PROB1: variants seen among roughly 807,000 people sequenced by gnomAD.
PROB1 encodes proline-rich basic protein 1.
For synonymous variants in PROB1, 660 were observed against 699.3 expected, an observed-to-expected ratio of 0.94 and a Z score of 0.89; for missense variants, 1,453 against 1,485.7, an observed-to-expected ratio of 0.98 and a Z score of 0.36.
rs1411692919 is a variant in PROB1 at position 139,394,172 on chromosome 5, C to T, written c.910G>A (p.Asp304Asn). The change falls in exon 1 of 1, where the codon GAT (aspartate) becomes AAT (asparagine). Residue 304 changes from aspartate (D) to asparagine (N), a missense_variant. Asp to Asn is a conservative substitution (Grantham distance 23). Coordinates refer to ENST00000434752, the MANE Select transcript of PROB1 (RefSeq NM_001161546.2). ...GGGGCCTTGGCGGGGGCCGAATTAT[C>T]TCGTACGCGAAGTGGCCGAGACTTA... ...KAKSRPLRVR[D>N]NSAPAKAPRP... The T allele has an allele frequency of 6.5e-7, 1 of 1,546,262 alleles. No individual in the cohort carries two copies. The highest frequency in any genetic ancestry group is 2.5e-5 in the East Asian group (1 of 40,784).
At position 139,392,785 on chromosome 5, in the gene PROB1, T is replaced by A; in HGVS notation, c.2297A>T (p.Gln766Leu). 6.9e-7 allele frequency: 1 copy of A among 1,452,050 alleles called. No individual in the cohort carries two copies. The highest frequency in any genetic ancestry group is 2.7e-5 in the Admixed American group (1 of 36,374). The allele number at this position is 1,452,050 out of a possible 1,614,324, so 89.9% of individuals were successfully genotyped here. A position where few individuals can be genotyped will look rare whatever the true frequency, so the allele number is the denominator to read the frequency against. Residue 766 changes from glutamine (Q) to leucine (L), a missense_variant, in exon 1 of 1, where the codon CAG becomes CTG. Gln to Leu is a moderately radical substitution (Grantham distance 113). Transcript: ENST00000434752. The surrounding 1 kb of genome is among the most constrained non-coding windows in gnomAD (Gnocchi z 5.8). ...PGGENRDVEA[Q>L]RLVPDGDGRT... ...ACCGTCGCCGTCGGGGACCAGGCGC[T>A]GGGCCTCTACATCCCTGTTCTCTCC... is the stretch of plus-strand genomic sequence containing the variant.
In PROB1 at chr5:139,394,003, CG is replaced by C; in HGVS notation, c.1078del (p.Arg360GlufsTer29). On this transcript the variant is annotated frameshift_variant, in exon 1 of 1. Transcript: ENST00000434752. LOFTEE classifies it low-confidence loss of function (END_TRUNC). ...CTGAACAGTTCGATCCGGCGCCTCT[CG>C]CGGGAACCGAGTCTTCCGCGCCTCC... The part of the protein sequence containing the change: ...IQEARKTRFP[R>X]EAPDRTVQRA... 5 of 1,550,656 alleles carry C rather than the reference CG, an allele frequency of 3.2e-6. No homozygotes were observed. The highest frequency in any genetic ancestry group is 4.4e-6 in the Non-Finnish European group (5 of 1,147,002).
At position 139,394,402 on chromosome 5, in the gene PROB1, C is replaced by T; in HGVS notation, c.680G>A (p.Arg227His). Residue 227 changes from arginine (R) to histidine (H), a missense_variant, in exon 1 of 1, where the codon CGC becomes CAC. Arg to His is a conservative substitution (Grantham distance 29). Coordinates refer to ENST00000434752, the MANE Select transcript of PROB1 (RefSeq NM_001161546.2). ...QSPPRAAGAP[R>H]PRLLLRTGSL... is the part of the protein sequence containing the mutation. ...ACCGGTGCGCAGGAGCAGCCGGGGG[C>T]GCGGCGCGCCGGCCGCCCTTGGGGG... 1 of 1,388,980 alleles carries T rather than the reference C, an allele frequency of 7.2e-7. No individual in the cohort carries two copies. The allele number at this position is 1,388,980 out of a possible 1,614,324, so 86.0% of individuals were successfully genotyped here. A position where few individuals can be genotyped will look rare whatever the true frequency, so the allele number is the denominator to read the frequency against.
Position 139,391,774 on chromosome 5 carries a change from C to T in PROB1, c.*260G>A, listed in dbSNP as rs1758604091. On this transcript the variant is annotated 3_prime_UTR_variant, in exon 1 of 1. Coordinates refer to ENST00000434752, the MANE Select transcript of PROB1 (RefSeq NM_001161546.2). This position sits in a 1 kb window ranked among gnomAD's most constrained non-coding sequence, Gnocchi z 4.8. ...CACATATACACACACCCACACACCA[C>T]ACCACACCACGCCCTGGGAATGCCT... is the stretch of plus-strand genomic sequence containing the variant. 1 of 389,986 alleles carries T rather than the reference C, an allele frequency of 2.6e-6. No homozygotes were observed. Among genetic ancestry groups the T allele is most frequent in the Non-Finnish European group, 4.5e-6 (1 of 220,214 alleles). The allele number at this position is 389,986 out of a possible 1,614,324, so 24.2% of individuals were successfully genotyped here.
At position 139,392,390 on chromosome 5, in the gene PROB1, G is replaced by C. The variant is rs750802687; in HGVS notation, c.2692C>G (p.Arg898Gly). Residue 898 changes from arginine to glycine, a missense_variant, in exon 1 of 1, where the codon CGG (arginine) becomes GGG (glycine). Coordinates refer to ENST00000434752, the MANE Select transcript of PROB1 (RefSeq NM_001161546.2). This position sits in a 1 kb window ranked among gnomAD's most constrained non-coding sequence, Gnocchi z 5.8. ...SGRYYFVEAP[R>G]QPRLRVLFDP... is the part of the protein sequence containing the mutation. Reference sequence around the variant, plus strand: ...AAGAGCACCCGCAGCCGAGGCTGCCGCGGCGCCTCCACAAAGTAGTAGCGG... The same window carrying C: ...AAGAGCACCCGCAGCCGAGGCTGCCCCGGCGCCTCCACAAAGTAGTAGCGG... 4.6e-6 allele frequency: 7 copies of C among 1,520,200 alleles called. No individual in the cohort carries two copies. The South Asian group carries it at 8.6e-5, about 19-fold the overall frequency. 94.2% of individuals were successfully genotyped at this position (1,520,200 alleles called of 1,614,324 possible). A position where few individuals can be genotyped will look rare whatever the true frequency, so the allele number is the denominator to read the frequency against.
chr5:139,392,690 A>T lies in PROB1; in HGVS notation c.2392T>A (p.Ser798Thr). 1 of 1,352,968 alleles carries T rather than the reference A, an allele frequency of 7.4e-7. No homozygotes were observed. The highest frequency in any genetic ancestry group is 9.5e-7 in the Non-Finnish European group (1 of 1,052,082). 83.8% of individuals were successfully genotyped at this position (1,352,968 alleles called of 1,614,324 possible). The change falls in exon 1 of 1, where the codon TCG (serine) becomes ACG (threonine). Residue 798 changes from serine to threonine, a missense_variant. Transcript: ENST00000434752. The surrounding 1 kb of genome is among the most constrained non-coding windows in gnomAD (Gnocchi z 5.8). The part of the protein sequence containing the change: ...RSPVGPAGVR[S>T]PRPGSPQMQA... ...ATCTGAGGGGAGCCGGGGCGGGGCG[A>T]TCGGACCCCTGCTGGCCCTACGGGG...
Position 139,394,149 on chromosome 5 carries a change from G to T in PROB1, c.933C>A (p.Ala311=), listed in dbSNP as rs1758649178. ...RVRDNSAPAK[A]PRPWPSLRER... is the part of the protein sequence containing the mutation. ...CGCGGAGGCTGGGCCACGGCCTCGG[G>T]GCCTTGGCGGGGGCCGAATTATCTC... Residue 311 remains alanine, a synonymous_variant, in exon 1 of 1, where the codon GCC becomes GCA. Transcript: ENST00000434752. 2 of 1,546,288 alleles carry T rather than the reference G, an allele frequency of 1.3e-6. No individual in the cohort carries two copies. The highest frequency in any genetic ancestry group is 2.0e-5 in the Admixed American group (1 of 50,606).
Position 139,392,223 on chromosome 5 carries a change from TG to T in PROB1, c.2858del (p.Pro953HisfsTer31). On this transcript the variant is annotated frameshift_variant, in exon 1 of 1. Transcript: ENST00000434752. LOFTEE classifies it low-confidence loss of function (END_TRUNC). The surrounding 1 kb of genome is among the most constrained non-coding windows in gnomAD (Gnocchi z 5.8). ...CGAGGGCCTGCGGGCCCGGGGACGGTGGCAGAGAGAGGCTGGGTATAGGCCC... is the reference window on the plus strand; with the variant it reads ...CGAGGGCCTGCGGGCCCGGGGACGGTGCAGAGAGAGGCTGGGTATAGGCCC... ...AYGPIPSLSL[P>X]PSPGPQALGS... The T allele has an allele frequency of 6.9e-7, 1 of 1,443,152 alleles. No homozygotes were observed. The allele number at this position is 1,443,152 out of a possible 1,614,324, so 89.4% of individuals were successfully genotyped here.
chr5:139,392,378 G>A lies in PROB1; in HGVS notation c.2704C>T (p.Leu902=). The A allele has an allele frequency of 2.0e-6, 3 of 1,522,182 alleles. No individual in the cohort carries two copies. Among genetic ancestry groups the A allele is most frequent in the Non-Finnish European group, 2.6e-6 (3 of 1,136,636 alleles). The allele number at this position is 1,522,182 out of a possible 1,614,324, so 94.3% of individuals were successfully genotyped here. A position where few individuals can be genotyped will look rare whatever the true frequency, so the allele number is the denominator to read the frequency against. ...CTCTCAGGGTCGAAGAGCACCCGCA[G>A]CCGAGGCTGCCGCGGCGCCTCCACA... The part of the protein sequence containing the change: ...YFVEAPRQPR[L]RVLFDPESGQ... The change falls in exon 1 of 1, where the codon CTG becomes TTG. Residue 902 remains leucine (L), a synonymous_variant. Coordinates refer to ENST00000434752, the MANE Select transcript of PROB1 (RefSeq NM_001161546.2). This position sits in a 1 kb window ranked among gnomAD's most constrained non-coding sequence, Gnocchi z 5.8.
At position 139,392,206 on chromosome 5, in the gene PROB1, T is replaced by G. The variant is rs769413426; in HGVS notation, c.2876A>C (p.Gln959Pro). The G allele has an allele frequency of 3.5e-6, 5 of 1,425,120 alleles. No individual in the cohort carries two copies. The South Asian group carries it at 7.4e-5, about 21-fold the overall frequency. The allele number at this position is 1,425,120 out of a possible 1,614,324, so 88.3% of individuals were successfully genotyped here. Residue 959 changes from glutamine (Q) to proline (P), a missense_variant, in exon 1 of 1, where the codon CAG (glutamine) becomes CCG (proline). Gln to Pro is a moderately conservative substitution (Grantham distance 76, BLOSUM62 -1). Coordinates refer to ENST00000434752, the MANE Select transcript of PROB1 (RefSeq NM_001161546.2). This position sits in a 1 kb window ranked among gnomAD's most constrained non-coding sequence, Gnocchi z 5.8. ...SLSLPPSPGP[Q>P]ALGSPQLPWV... ...GGGTAGCTGGGGGCTGCCGAGGGCCTGCGGGCCCGGGGACGGTGGCAGAGA... is the reference window on the plus strand; with the variant it reads ...GGGTAGCTGGGGGCTGCCGAGGGCCGGCGGGCCCGGGGACGGTGGCAGAGA...
Position 139,392,029 on chromosome 5 carries a change from G to C in PROB1, c.*5C>G, listed in dbSNP as rs1758606782. On this transcript the variant is annotated 3_prime_UTR_variant, in exon 1 of 1. Coordinates refer to ENST00000434752, the MANE Select transcript of PROB1 (RefSeq NM_001161546.2). The surrounding 1 kb of genome is among the most constrained non-coding windows in gnomAD (Gnocchi z 5.8). Reference sequence around the variant, plus strand: ...CTCCAACTCCATGGGGATCGGCCCGGGGCCTCACAGCGGGAACAATGAACC... The same window carrying C: ...CTCCAACTCCATGGGGATCGGCCCGCGGCCTCACAGCGGGAACAATGAACC... The C allele has an allele frequency of 1.4e-6, 2 of 1,394,002 alleles. No homozygotes were observed. The highest frequency in any genetic ancestry group is 3.4e-5 in the Admixed American group (1 of 29,208). 86.4% of individuals were successfully genotyped at this position (1,394,002 alleles called of 1,614,324 possible).
Position 139,392,351 on chromosome 5 carries a change from C to A in PROB1, c.2731G>T (p.Gly911Trp). Residue 911 changes from glycine to tryptophan, a missense_variant, in exon 1 of 1, where the codon GGG (glycine) becomes TGG (tryptophan). Transcript: ENST00000434752. This position sits in a 1 kb window ranked among gnomAD's most constrained non-coding sequence, Gnocchi z 5.8. ...GGCAGCAACACCTCCACGTACTGCC[C>A]ACTCTCAGGGTCGAAGAGCACCCGC... ...RLRVLFDPESGQYVEVLLPPS... is the reference protein window; with the variant it reads ...RLRVLFDPESWQYVEVLLPPS... 6.5e-7 allele frequency: 1 copy of A among 1,532,848 alleles called. No homozygotes were observed. The highest frequency in any genetic ancestry group is 8.8e-7 in the Non-Finnish European group (1 of 1,140,424). 95.0% of individuals were successfully genotyped at this position (1,532,848 alleles called of 1,614,324 possible). A position where few individuals can be genotyped will look rare whatever the true frequency, so the allele number is the denominator to read the frequency against.
Position 139,392,717 on chromosome 5 carries a change from A to AGC in PROB1, c.2363_2364dup (p.Ser789AlafsTer4). 2 of 1,378,150 alleles carry AGC rather than the reference A, an allele frequency of 1.5e-6. No homozygotes were observed. Among genetic ancestry groups the AGC allele is most frequent in the Non-Finnish European group, 1.9e-6 (2 of 1,065,020 alleles). The allele number at this position is 1,378,150 out of a possible 1,614,324, so 85.4% of individuals were successfully genotyped here. On this transcript the variant is annotated frameshift_variant, in exon 1 of 1. Coordinates refer to ENST00000434752, the MANE Select transcript of PROB1 (RefSeq NM_001161546.2). LOFTEE classifies it low-confidence loss of function (END_TRUNC). This position sits in a 1 kb window ranked among gnomAD's most constrained non-coding sequence, Gnocchi z 5.8. ...CGGACCCCTGCTGGCCCTACGGGGGAGCGCTGGGATGAGCTGCGGGCGCCG... is the reference window on the plus strand; with the variant it reads ...CGGACCCCTGCTGGCCCTACGGGGGAGCGCGCTGGGATGAGCTGCGGGCGCCG...
At position 139,392,018 on chromosome 5, in the gene PROB1, G is replaced by C. The variant is rs1469194603; in HGVS notation, c.*16C>G. ...GCATCCAAGGGCTCCAACTCCATGG[G>C]GATCGGCCCGGGGCCTCACAGCGGG... On this transcript the variant is annotated 3_prime_UTR_variant, in exon 1 of 1. Coordinates refer to ENST00000434752, the MANE Select transcript of PROB1 (RefSeq NM_001161546.2). The surrounding 1 kb of genome is among the most constrained non-coding windows in gnomAD (Gnocchi z 5.8). 1.5e-6 allele frequency: 2 copies of C among 1,368,414 alleles called. No individual in the cohort carries two copies. The highest frequency in any genetic ancestry group is 6.1e-5 in the East Asian group (2 of 33,040). The allele number at this position is 1,368,414 out of a possible 1,614,324, so 84.8% of individuals were successfully genotyped here.
chr5:139,392,497 G>T lies in PROB1; in HGVS notation c.2585C>A (p.Ser862Tyr). 7.3e-7 allele frequency: 1 copy of T among 1,362,698 alleles called. No homozygotes were observed. The highest frequency in any genetic ancestry group is 9.4e-7 in the Non-Finnish European group (1 of 1,062,648). 84.4% of individuals were successfully genotyped at this position (1,362,698 alleles called of 1,614,324 possible). A position where few individuals can be genotyped will look rare whatever the true frequency, so the allele number is the denominator to read the frequency against. Residue 862 changes from serine (S) to tyrosine (Y), a missense_variant, in exon 1 of 1, where the codon TCC becomes TAC. Coordinates refer to ENST00000434752, the MANE Select transcript of PROB1 (RefSeq NM_001161546.2). This position sits in a 1 kb window ranked among gnomAD's most constrained non-coding sequence, Gnocchi z 5.8. ...RAASAPPTDR[S>Y]PQSPSQGARR... Reference sequence around the variant, plus strand: ...CGCTCCCTGGGAGGGGCTTTGCGGGGACCGGTCCGTGGGAGGCGCCGAGGC... The same window carrying T: ...CGCTCCCTGGGAGGGGCTTTGCGGGTACCGGTCCGTGGGAGGCGCCGAGGC...
At position 139,392,217 on chromosome 5, in the gene PROB1, G is replaced by C. The variant is rs1758609474; in HGVS notation, c.2865C>G (p.Ser955=). ...GPIPSLSLPP[S]PGPQALGSPQ... is the part of the protein sequence containing the mutation. The stretch of plus-strand genomic sequence containing the variant: ...GGCTGCCGAGGGCCTGCGGGCCCGG[G>C]GACGGTGGCAGAGAGAGGCTGGGTA... The change falls in exon 1 of 1, where the codon TCC becomes TCG. Residue 955 remains serine (S), a synonymous_variant. Transcript: ENST00000434752. The surrounding 1 kb of genome is among the most constrained non-coding windows in gnomAD (Gnocchi z 5.8). The C allele has an allele frequency of 6.9e-7, 1 of 1,440,750 alleles. No individual in the cohort carries two copies. Among genetic ancestry groups the C allele is most frequent in the African/African-American group, 1.5e-5 (1 of 68,118 alleles). The allele number at this position is 1,440,750 out of a possible 1,614,324, so 89.2% of individuals were successfully genotyped here.
In PROB1 at chr5:139,392,514, C is replaced by A. The variant is rs913507722; in HGVS notation, c.2568G>T (p.Ala856=). Residue 856 remains alanine (A), a synonymous_variant, in exon 1 of 1, where the codon GCG becomes GCT. Transcript: ENST00000434752. This position sits in a 1 kb window ranked among gnomAD's most constrained non-coding sequence, Gnocchi z 5.8. ...TTTGCGGGGACCGGTCCGTGGGAGG[C>A]GCCGAGGCAGCGCGGGGCTGGGCTG... ...TAPAQPRAAS[A]PPTDRSPQSP... 10 of 1,343,090 alleles carry A rather than the reference C, an allele frequency of 7.4e-6. No individual in the cohort carries two copies. In the African/African-American group the frequency reaches 9.3e-5, roughly 12 times the overall value. 83.2% of individuals were successfully genotyped at this position (1,343,090 alleles called of 1,614,324 possible).
chr5:139,394,378 C>T lies in PROB1; in HGVS notation c.704G>A (p.Gly235Asp), dbSNP rs1468024135. 1 of 1,407,916 alleles carries T rather than the reference C, an allele frequency of 7.1e-7. No homozygotes were observed. The highest frequency in any genetic ancestry group is 2.8e-5 in the East Asian group (1 of 35,202). 87.2% of individuals were successfully genotyped at this position (1,407,916 alleles called of 1,614,324 possible). ...APRPRLLLRT[G>D]SLDESLGPLQ... ...GGGGCCCAGCGACTCGTCCAGGGAA[C>T]CGGTGCGCAGGAGCAGCCGGGGGCG... Residue 235 changes from glycine (G) to aspartate (D), a missense_variant, in exon 1 of 1, where the codon GGT (glycine) becomes GAT (aspartate). Coordinates refer to ENST00000434752, the MANE Select transcript of PROB1 (RefSeq NM_001161546.2).
chr5:139,392,173 G>A lies in PROB1; in HGVS notation c.2909C>T (p.Ser970Phe). The change falls in exon 1 of 1, where the codon TCT (serine) becomes TTT (phenylalanine). Residue 970 changes from serine to phenylalanine, a missense_variant. Physicochemically the swap from Ser to Phe is radical, Grantham distance 155. Transcript: ENST00000434752. This position sits in a 1 kb window ranked among gnomAD's most constrained non-coding sequence, Gnocchi z 5.8. Reference protein sequence around the residue: ...ALGSPQLPWVSEAGPLDGTYY... With the variant: ...ALGSPQLPWVFEAGPLDGTYY... ...GGTCCCGTCCAGGGGCCCTGCCTCAGAGACCCAGGGTAGCTGGGGGCTGCC... is the reference window on the plus strand; with the variant it reads ...GGTCCCGTCCAGGGGCCCTGCCTCAAAGACCCAGGGTAGCTGGGGGCTGCC... 1 of 1,407,546 alleles carries A rather than the reference G, an allele frequency of 7.1e-7. No individual in the cohort carries two copies. The allele number at this position is 1,407,546 out of a possible 1,614,324, so 87.2% of individuals were successfully genotyped here. A position where few individuals can be genotyped will look rare whatever the true frequency, so the allele number is the denominator to read the frequency against.
Sources: gnomAD v4.1 joint callset for allele counts on GRCh38, gnomAD v4.1.1 for gene constraint, Gnocchi (gnomAD v3.1) non-coding constraint, MANE v1.5 for transcripts, NCBI Gene and HGNC (gene_info 2026-07-23, HGNC 2026-07-21) for gene names.